FMN2: variants seen among roughly 807,000 people sequenced by gnomAD.
FMN2 encodes formin-2.
FMN2 carries 51 observed loss-of-function variants against 142.3 expected under a neutral mutation model. The observed-to-expected ratio is 0.36, with a 90% CI of 0.29 to 0.45. The LOEUF (loss-of-function observed/expected upper bound fraction) is 0.45, where lower values mean the gene tolerates loss of function less well. Ranked by LOEUF, FMN2 falls within the 20% of genes least tolerant of loss-of-function variation. FMN2 has a pLI of 1.00. For missense variants in FMN2, 1,936 were observed against 2,122.8 expected, an observed-to-expected ratio of 0.91 and a Z score of 1.73; for synonymous variants, 882 against 869.8, an observed-to-expected ratio of 1.01 and a Z score of -0.25.
At chr1:240,294,916 T>C (rs1669914810) in intron 8 of FMN2, 33 bp downstream of exon 8, 1 of 1,571,526 alleles carries the variant, frequency 6.4e-7, no homozygotes. Context: ...TGTGTGAGTA[T>C]ATAATATGTA....
intron 14 of FMN2, among the ~76,000 whole-genome samples, chr1:240,365,269 A>T (rs1228305963): frequency 1.6e-5 from 2 of 122,474 alleles, no homozygotes; most frequent in Non-Finnish European, 3.4e-5. Context: ...GTGTGCATAT[A>T]TATACATACA....
intron 2 of FMN2, among the ~76,000 whole-genome samples, chr1:240,126,369 C>CA (rs1345561540): frequency 2.0e-5 from 3 of 151,438 alleles, no homozygotes; most frequent in Admixed American, 6.6e-5. Flanking sequence ...TACCTACCCC[C>CA]CCCCACTTTG....
chr1:240,343,069 G>A (rs1251418446), intron 13 of FMN2, among the ~76,000 whole-genome samples: 1 of 152,158 alleles, frequency 6.6e-6, no homozygotes, highest in Non-Finnish European at 1.5e-5. Context: ...CCTGATCCCA[G>A]AAGTCTCTCA....
chr1:240,275,916 T>G (rs965324333), intron 7 of FMN2, among the ~76,000 whole-genome samples: 2 of 152,222 alleles, frequency 1.3e-5, no homozygotes, highest in Admixed American at 1.3e-4. Flanking sequence ...TTCATATCCT[T>G]TGCCCACTTT....
At chr1:240,442,138 C>T (rs1388250378) in intron 16 of FMN2, among the ~76,000 whole-genome samples, 1 of 152,098 alleles carries the variant, frequency 6.6e-6, no homozygotes, top group Non-Finnish European at 1.5e-5. Flanking sequence ...ATTCTTTCTC[C>T]TCCTTTTTCC....
At chr1:240,378,946 T>C (rs1162956372) in intron 14 of FMN2, among the ~76,000 whole-genome samples, 2 of 152,234 alleles carry the variant, frequency 1.3e-5, no homozygotes, top group Non-Finnish European at 2.9e-5. Flanking sequence ...GGTCTGTGTC[T>C]ATTGACTTAA....
intron 8 of FMN2, among the ~76,000 whole-genome samples, chr1:240,325,401 A>G (rs559469094): frequency 8.6e-5 from 13 of 152,012 alleles, no homozygotes; most frequent in African/African-American, 2.9e-4. Context: ...TATTCCTCCA[A>G]AAGTAACATA....
At chr1:240,165,742 C>A (rs1391377048) in intron 2 of FMN2, among the ~76,000 whole-genome samples, 1 of 151,844 alleles carries the variant, frequency 6.6e-6, no homozygotes, top group African/African-American at 2.4e-5. Flanking sequence ...ATTCCAAGAT[C>A]ACCTTGAGGT....
chr1:240,402,300 A>G (rs921193746), intron 15 of FMN2, among the ~76,000 whole-genome samples: 10 of 152,238 alleles, frequency 6.6e-5, no homozygotes, highest in African/African-American at 2.2e-4. Context: ...TGTTAGCATA[A>G]TAGTTTTAAA....
rs764097978 is a variant in FMN2 at position 240,324,677 on chromosome 1, AAGAG to A, written c.4216-4384_4216-4381del. Among the ~76,000 whole-genome samples the A allele has an allele frequency of 4.2e-4, 58 of 137,372 alleles. No homozygotes were observed. In the Middle Eastern group the frequency reaches 0.011, roughly 26 times the overall value. The allele number at this position is 137,372 out of a possible 152,430, so 90.1% of individuals were successfully genotyped here. A position where few individuals can be genotyped will look rare whatever the true frequency, so the allele number is the denominator to read the frequency against. On this transcript the variant is annotated intron_variant, in intron 8 of 17. Coordinates refer to ENST00000319653, the MANE Select transcript of FMN2 (RefSeq NM_020066.5). Reference sequence around the variant, plus strand: ...GAGTGAGACCCTGTCGAAAGAAGGAAAGAGAGAGAGAGAGAGAGGGAGGGAGGGA... The same window carrying A: ...GAGTGAGACCCTGTCGAAAGAAGGAAAGAGAGAGAGAGAGGGAGGGAGGGA...
At chr1:240,293,607 C>G (rs984946323) in intron 7 of FMN2, among the ~76,000 whole-genome samples, 1 of 152,030 alleles carries the variant, frequency 6.6e-6, no homozygotes, top group African/African-American at 2.4e-5. Context: ...TACTTTGAAA[C>G]ATTAAAGTTC....
In FMN2 at chr1:240,206,971, A is replaced by T. The variant is rs779268440; in HGVS notation, c.2159A>T (p.Asp720Val). 4.1e-5 allele frequency: 66 copies of T among 1,614,028 alleles called. No individual in the cohort carries two copies. The highest frequency in any genetic ancestry group is 8.5e-7 in the Non-Finnish European group (1 of 1,180,018). Residue 720 changes from aspartate (D) to valine (V), a missense_variant, in exon 5 of 18, where the codon GAT becomes GTT. Physicochemically the swap from Asp to Val is radical, Grantham distance 152 (BLOSUM62 -3). Around this residue, in one of 8 missense-constraint regions of FMN2, gnomAD observed 478 missense variants for 462.8 expected, o/e 1.03. Coordinates refer to ENST00000319653, the MANE Select transcript of FMN2 (RefSeq NM_020066.5). ...GLENGVTASG[D>V]VCLEALRLEE... ...GAGAATGGAGTGACAGCCTCAGGCG[A>T]TGTCTGTCTCGAAGCTCTCAGGTTA... is the stretch of plus-strand genomic sequence containing the variant.
intron 6 of FMN2, among the ~76,000 whole-genome samples, chr1:240,245,812 C>T (rs1668060971): frequency 6.6e-6 from 1 of 152,172 alleles, no homozygotes; most frequent in Non-Finnish European, 1.5e-5. Context: ...TGTTGCTTCA[C>T]CCTCAGGGCA....
chr1:240,275,013 G>A (rs932625237), intron 7 of FMN2, among the ~76,000 whole-genome samples: 1 of 151,760 alleles, frequency 6.6e-6, no homozygotes, highest in Non-Finnish European at 1.5e-5. Context: ...CAAAGTGCAT[G>A]AACCTGGTGG....
chr1:240,208,557 G>C lies in FMN2; in HGVS notation c.3745G>C (p.Val1249Leu), dbSNP rs1325802326. The change falls in exon 5 of 18, where the codon GTT becomes CTT. Residue 1249 changes from valine (V) to leucine (L), a missense_variant. Coordinates refer to ENST00000319653, the MANE Select transcript of FMN2 (RefSeq NM_020066.5). Reference protein sequence around the residue: ...PVSGPPLLPQVGSSTLPTPQV... With the variant: ...PVSGPPLLPQLGSSTLPTPQV... ...ATCAGGCCCTCCACTCCTCCCACAA[G>C]TTGGGAGTAGCACTTTACCAACCCC... 1 of 1,613,336 alleles carries C rather than the reference G, an allele frequency of 6.2e-7. No individual in the cohort carries two copies. The highest frequency in any genetic ancestry group is 8.5e-7 in the Non-Finnish European group (1 of 1,179,932).
At chr1:240,401,359 G>A (rs928268609) in intron 15 of FMN2, among the ~76,000 whole-genome samples, 2 of 152,190 alleles carry the variant, frequency 1.3e-5, no homozygotes, top group South Asian at 4.2e-4. Context: ...CACTTTGGAG[G>A]CAAGATTTGG....
intron 2 of FMN2, among the ~76,000 whole-genome samples, chr1:240,128,564 T>A (rs1662604037): frequency 1.3e-5 from 2 of 152,226 alleles, no homozygotes; most frequent in Admixed American, 1.3e-4. Context: ...GCAGATCTGC[T>A]GATTTTGCTA....
chr1:240,106,779 G>C (rs544078350), intron 1 of FMN2, among the ~76,000 whole-genome samples: 1 of 151,646 alleles, frequency 6.6e-6, no homozygotes, highest in East Asian at 2.0e-4. Flanking sequence ...CGCCTCCTGG[G>C]TTCAAGCAAT....
intron 14 of FMN2, among the ~76,000 whole-genome samples, chr1:240,390,536 G>A (rs893574895): frequency 6.6e-6 from 1 of 152,086 alleles, no homozygotes; most frequent in Non-Finnish European, 1.5e-5. Context: ...AGCTGTATGT[G>A]TTTTCTTTAT....
Sources: gnomAD v4.1 joint callset for allele counts (sites outside exome capture counted in the v4.1 genomes callset) on GRCh38, gnomAD v4.1.1 for gene constraint, gnomAD v4.1.1 regional missense constraint, MANE v1.5 for transcripts, NCBI Gene and HGNC (gene_info 2026-07-23, HGNC 2026-07-21) for gene names.